The following DMD variants were observed in gnomAD, a reference collection of about 807,000 sequenced individuals.
DMD encodes mutant dystrophin.
A neutral mutation model predicts 330.1 loss-of-function variants in DMD; 63 were observed. The observed-to-expected ratio is 0.19, with a 90% confidence interval of 0.16 to 0.24. DMD has a LOEUF of 0.24. DMD is among the 10% of genes least tolerant of loss of function. The probability of loss-of-function intolerance (pLI) is 1.00; values close to 1 mark genes in which losing one functional copy is unlikely to be tolerated. For synonymous variants in DMD, 1,223 were observed against 959.8 expected (o/e 1.27, Z -5.07); for missense variants, 3,344 against 2,684.1 (o/e 1.25, Z -5.43).
chrX:32,602,791 A>G (rs1362302909), intron 12 of DMD, among the ~76,000 whole-genome samples: 1 of 111,063 alleles, frequency 9.0e-6, no homozygotes, highest in Non-Finnish European at 1.9e-5. Context: ...ATGCCACAAC[A>G]TCTTCAAATC....
At chrX:32,909,150 CAAA>C (rs36075436) in intron 2 of DMD, among the ~76,000 whole-genome samples, 4 of 68,258 alleles carry the variant, frequency 5.9e-5, no homozygotes, top group African/African-American at 1.8e-4. Flanking sequence ...TCTATATGAG[CAAA>C]AAAAAAAAAA....
chrX:32,331,689 G>T lies in DMD; in HGVS notation c.5922+10411C>A, dbSNP rs111776375. The stretch of plus-strand genomic sequence containing the variant: ...CAAATATAAAATTGTATATCTAACA[G>T]AGCCATAATCTAACTATAAAATAAT... On this transcript the variant is annotated intron_variant, in intron 41 of 78. Coordinates refer to ENST00000357033, the MANE Select transcript of DMD (RefSeq NM_004006.3). Among the ~76,000 whole-genome samples the T allele has an allele frequency of 7.8e-3, 868 of 111,356 alleles. 16 individuals are homozygous for T. In the East Asian group the frequency reaches 0.089, roughly 11 times the overall value.
chrX:33,272,263 C>A (rs1224835219), intron 1 of DMD, among the ~76,000 whole-genome samples: 2 of 112,047 alleles, frequency 1.8e-5, no homozygotes, highest in Non-Finnish European at 3.8e-5. Context: ...AATTTGTGTT[C>A]TAAATTCAAA....
intron 44 of DMD, among the ~76,000 whole-genome samples, chrX:32,079,633 G>T (rs940353591): frequency 9.6e-6 from 1 of 103,902 alleles, no homozygotes; most frequent in Non-Finnish European, 2.0e-5. Flanking sequence ...AAAAGAAAAA[G>T]AAAAAAAAGA....
At chrX:32,365,856 TTAAG>T (rs2097852649) in intron 34 of DMD, among the ~76,000 whole-genome samples, 1 of 112,031 alleles carries the variant, frequency 8.9e-6, no homozygotes, top group African/African-American at 3.2e-5. Context: ...ACTGGTATTT[TTAAG>T]TATGTACAAT....
chrX:32,412,607 A>G (rs1169393788), intron 29 of DMD, among the ~76,000 whole-genome samples: 1 of 111,825 alleles, frequency 8.9e-6, no homozygotes, highest in Non-Finnish European at 1.9e-5. Flanking sequence ...TAATTCAATA[A>G]TGTTCAAGTA....
At chrX:32,895,110 G>A (rs1051233858) in intron 2 of DMD, among the ~76,000 whole-genome samples, 6 of 111,660 alleles carry the variant, frequency 5.4e-5, no homozygotes, top group Non-Finnish European at 9.4e-5. Flanking sequence ...CGGGCCACCG[G>A]ATCAGAGCCC....
chrX:31,305,797 T>G (rs1431638548), intron 62 of DMD, among the ~76,000 whole-genome samples: 1 of 112,683 alleles, frequency 8.9e-6, no homozygotes, highest in African/African-American at 3.2e-5. Context: ...TTCAAAAATT[T>G]TCCTCTTTGG....
intron 7 of DMD, among the ~76,000 whole-genome samples, chrX:32,805,393 G>A (rs1467087832): frequency 9.0e-6 from 1 of 111,667 alleles, no homozygotes; most frequent in Admixed American, 9.5e-5. Flanking sequence ...ATGAAATAAA[G>A]TGTGAAGACA....
At chrX:32,452,411 G>A (rs868172520) in intron 26 of DMD, among the ~76,000 whole-genome samples, 3 of 24,733 alleles carry the variant, frequency 1.2e-4, no homozygotes, top group Admixed American at 7.1e-4. Flanking sequence ...AAAGGAAAGG[G>A]AAAGGGAAAG....
chrX:32,667,525 G>T (rs1472834326), intron 9 of DMD, among the ~76,000 whole-genome samples: 1 of 111,153 alleles, frequency 9.0e-6, no homozygotes. Context: ...ATATTTCATT[G>T]GACCTTAAGT....
At chrX:32,026,110 G>T (rs1278055811) in intron 44 of DMD, among the ~76,000 whole-genome samples, 1 of 111,762 alleles carries the variant, frequency 8.9e-6, no homozygotes, top group East Asian at 2.8e-4. Context: ...AGAGAAAAAT[G>T]CATGTCTGGT....
chrX:31,575,723 G>A (rs1295428862), intron 55 of DMD, among the ~76,000 whole-genome samples: 1 of 111,923 alleles, frequency 8.9e-6, no homozygotes, highest in African/African-American at 3.2e-5. Flanking sequence ...CTGGGCTGTT[G>A]GGCTGTGCTC....
chrX:32,817,548 G>A (rs1325664776), intron 5 of DMD, among the ~76,000 whole-genome samples: 1 of 111,723 alleles, frequency 9.0e-6, no homozygotes, highest in Non-Finnish European at 1.9e-5. Context: ...ATTTATTAAA[G>A]ACTGCTTTTT....
intron 4 of DMD, among the ~76,000 whole-genome samples, chrX:32,834,105 G>A (rs1476635239): frequency 9.0e-6 from 1 of 111,443 alleles, no homozygotes; most frequent in Non-Finnish European, 1.9e-5. Flanking sequence ...GCATTTCGCA[G>A]ATGATAAAGT....
intron 7 of DMD, among the ~76,000 whole-genome samples, chrX:32,703,909 A>G (rs1034408382): frequency 1.8e-5 from 2 of 111,789 alleles, no homozygotes; most frequent in Non-Finnish European, 3.8e-5. Context: ...AGAACTTAAC[A>G]ATTACATGAA....
rs781757414 is a variant in DMD at position 31,433,581 on chromosome X, C to T, written c.9084+10900G>A. Among the ~76,000 whole-genome samples the T allele has an allele frequency of 7.3e-5, 8 of 108,989 alleles. No individual in the cohort carries two copies. In the East Asian group the frequency reaches 8.7e-4, roughly 12 times the overall value. The allele number at this position is 108,989 out of a possible 115,157, so 94.6% of individuals were successfully genotyped here. On this transcript the variant is annotated intron_variant, in intron 60 of 78. Transcript: ENST00000357033. Reference sequence around the variant, plus strand: ...AAGTGGTTCTCCTGCCTCAGCCTTCCGAGTAACTGGGATTACAGGTGTCTG... The same window carrying T: ...AAGTGGTTCTCCTGCCTCAGCCTTCTGAGTAACTGGGATTACAGGTGTCTG...
chrX:32,044,665 G>T (rs1412895400), intron 44 of DMD, among the ~76,000 whole-genome samples: 54 of 110,542 alleles, frequency 4.9e-4, no homozygotes, highest in African/African-American at 1.6e-3. Context: ...ATCATGATCC[G>T]CCCGCCTTGG....
At chrX:31,820,127 T>C in intron 49 of DMD, 44 bp from the exon 50 acceptor site, 1 of 1,025,217 alleles carries the variant, frequency 9.8e-7, no homozygotes, top group East Asian at 3.0e-5. Context: ...ATTAACACTT[T>C]GAAGATAATT....
Sources: gnomAD v4.1 joint callset for allele counts (sites outside exome capture counted in the v4.1 genomes callset) on GRCh38, gnomAD v4.1.1 for gene constraint, MANE v1.5 for transcripts, NCBI Gene and HGNC (gene_info 2026-07-23, HGNC 2026-07-21) for gene names.